Variants in TMEM117 observed in about 807,000 individuals in gnomAD.
TMEM117 encodes transmembrane protein 117.
Under a neutral mutation model 52.4 loss-of-function variants are expected in TMEM117, and 27 were observed. The observed-to-expected ratio is 0.51, with a 90% CI of 0.38 to 0.71. The LOEUF (loss-of-function observed/expected upper bound fraction) is 0.71. Among genes scored for constraint, TMEM117 ranks in the 30% least tolerant of loss-of-function variants. TMEM117 has a pLI of 0.00. For missense variants in TMEM117, 556 were observed against 630.5 expected, an observed-to-expected ratio of 0.88 and a Z score of 1.26; for synonymous variants, 215 against 206.3, an observed-to-expected ratio of 1.04 and a Z score of -0.36.
At chr12:43,913,315 T>C (rs1432974689) in intron 2 of TMEM117, among the ~76,000 whole-genome samples, 1 of 152,206 alleles carries the variant, frequency 6.6e-6, no homozygotes, top group Non-Finnish European at 1.5e-5. Flanking sequence ...AAGTGCCTCA[T>C]ATTTAATAAA....
rs919896906 is a variant in TMEM117, at chr12:44,280,564, C to CT, written c.609-19006dup. ...ATATTCTTAGAAACTTCTATAGCAT[C>CT]TTTTTTTTTTCCTGAGGTATGATTA... On this transcript the variant is annotated intron_variant, in intron 5 of 7. Coordinates refer to ENST00000266534, the MANE Select transcript of TMEM117 (RefSeq NM_032256.3). Among the ~76,000 whole-genome samples, 758 of 149,614 alleles carry CT rather than the reference C, an allele frequency of 5.1e-3. 6 individuals are homozygous for CT. Among genetic ancestry groups the CT allele is most frequent in the African/African-American group, 0.017 (688 of 40,916 alleles).
At chr12:44,142,806 A>G (rs1948589232) in intron 3 of TMEM117, among the ~76,000 whole-genome samples, 1 of 152,136 alleles carries the variant, frequency 6.6e-6, no homozygotes, top group African/African-American at 2.4e-5. Context: ...TTTTTCAGAG[A>G]AATTGCAAAA....
intron 2 of TMEM117, among the ~76,000 whole-genome samples, chr12:43,865,593 G>A (rs989842567): frequency 6.6e-6 from 1 of 151,814 alleles, no homozygotes; most frequent in African/African-American, 2.4e-5. Flanking sequence ...GCTACTAGAG[G>A]GGCTGAGGCA....
At chr12:44,251,923 C>T (rs1314788448) in intron 5 of TMEM117, among the ~76,000 whole-genome samples, 3 of 152,004 alleles carry the variant, frequency 2.0e-5, no homozygotes, top group Non-Finnish European at 4.4e-5. Flanking sequence ...GATCACCCCA[C>T]CCCTCCTTCA....
intron 4 of TMEM117, among the ~76,000 whole-genome samples, chr12:44,151,314 C>G (rs1452813932): frequency 4.7e-5 from 7 of 149,878 alleles, no homozygotes; most frequent in Non-Finnish European, 7.4e-5. Flanking sequence ...ATTTTTCTAA[C>G]GTAAAGTTCC....
intron 6 of TMEM117, among the ~76,000 whole-genome samples, chr12:44,322,637 T>C (rs760508814): frequency 7.9e-5 from 12 of 152,164 alleles, no homozygotes; most frequent in Non-Finnish European, 1.5e-4. Flanking sequence ...TTTAAAACTA[T>C]GCTATAAAAA....
intron 4 of TMEM117, among the ~76,000 whole-genome samples, chr12:44,167,289 C>G (rs373781557): frequency 1.3e-5 from 2 of 152,258 alleles, no homozygotes; most frequent in East Asian, 1.9e-4. Flanking sequence ...TTAAATGCCT[C>G]CCAGGGATCA....
chr12:43,959,309 T>C (rs1179182058), intron 3 of TMEM117, among the ~76,000 whole-genome samples: 1 of 152,202 alleles, frequency 6.6e-6, no homozygotes, highest in Non-Finnish European at 1.5e-5. Flanking sequence ...GAATCACTAA[T>C]ACAGTGGTTC....
At chr12:44,299,259 T>G (rs534519783) in intron 5 of TMEM117, among the ~76,000 whole-genome samples, 1 of 151,878 alleles carries the variant, frequency 6.6e-6, no homozygotes, top group South Asian at 2.1e-4. Context: ...GCCTCCCAAG[T>G]AGCTGGGACT....
At chr12:44,151,093 A>G (rs1056739817) in intron 4 of TMEM117, among the ~76,000 whole-genome samples, 7 of 152,146 alleles carry the variant, frequency 4.6e-5, no homozygotes, top group Non-Finnish European at 7.4e-5. Flanking sequence ...AAATTCACCT[A>G]GGTATTGAAT....
At chr12:43,979,929 C>T (rs1565779017) in intron 3 of TMEM117, among the ~76,000 whole-genome samples, 1 of 152,080 alleles carries the variant, frequency 6.6e-6, no homozygotes. Context: ...CTCAATTAAC[C>T]CTCTTGTAAA....
chr12:44,127,025 A>G (rs970390320), intron 3 of TMEM117, among the ~76,000 whole-genome samples: 12 of 152,246 alleles, frequency 7.9e-5, no homozygotes, highest in Admixed American at 7.2e-4. Context: ...CACAGTTTAA[A>G]TGATAAAATA....
At chr12:43,811,449 A>C in the TMEM117 span, among the ~76,000 whole-genome samples, 2 of 152,214 alleles carry the variant, frequency 1.3e-5, no homozygotes, top group Admixed American at 1.3e-4. Context: ...TGGACCTGGC[A>C]TGCCTCCTTC....
intron 3 of TMEM117, among the ~76,000 whole-genome samples, chr12:44,126,965 G>GTA (rs1213103620): frequency 5.3e-5 from 8 of 152,182 alleles, no homozygotes; most frequent in African/African-American, 1.9e-4. Context: ...TAAGGCACAG[G>GTA]TATGAACTCA....
chr12:43,960,897 A>T (rs1055922046), intron 3 of TMEM117, among the ~76,000 whole-genome samples: 4 of 152,072 alleles, frequency 2.6e-5, no homozygotes, highest in East Asian at 3.9e-4. Context: ...ATCTGGGGGA[A>T]ATGCATGCTT....
At chr12:43,869,541 T>C (rs1307455987) in intron 2 of TMEM117, among the ~76,000 whole-genome samples, 1 of 152,236 alleles carries the variant, frequency 6.6e-6, no homozygotes, top group South Asian at 2.1e-4. Flanking sequence ...GGAATATGCC[T>C]TTAAATGTGT....
chr12:43,843,378 C>T (rs1367269923), intron 1 of TMEM117, among the ~76,000 whole-genome samples: 1 of 152,178 alleles, frequency 6.6e-6, no homozygotes, highest in Non-Finnish European at 1.5e-5. Flanking sequence ...ACATAATCAT[C>T]CACTTACAAG....
intron 5 of TMEM117, among the ~76,000 whole-genome samples, chr12:44,258,290 T>C (rs886822318): frequency 6.6e-6 from 1 of 152,192 alleles, no homozygotes; most frequent in Admixed American, 6.5e-5. Flanking sequence ...CATTAGTTCC[T>C]CTTACCTCAG....
chr12:44,079,987 C>T (rs1409814554), intron 3 of TMEM117, among the ~76,000 whole-genome samples: 1 of 144,206 alleles, frequency 6.9e-6, no homozygotes, highest in Non-Finnish European at 1.5e-5. Flanking sequence ...CATTGCATTC[C>T]AGCCTGGGCG....
Sources: allele counts gnomAD v4.1 joint callset (sites outside exome capture counted in the v4.1 genomes callset), GRCh38; gene constraint gnomAD v4.1.1; transcripts MANE v1.5; gene names NCBI Gene and HGNC (gene_info 2026-07-23, HGNC 2026-07-21).